ANO5: variants seen among roughly 807,000 people sequenced by gnomAD.
The protein encoded by ANO5 is anoctamin-5.
A neutral mutation model predicts 121.0 loss-of-function variants in ANO5; 109 were observed. The observed-to-expected ratio is 0.90, with a 90% CI of 0.77 to 1.06. The LOEUF is 1.06. Ranked by LOEUF, ANO5 falls within the 50% of genes least tolerant of loss-of-function variation. The pLI is 0.00. For synonymous variants in ANO5, 406 were observed against 359.9 expected, an observed-to-expected ratio of 1.13 and a Z score of -1.45; for missense variants, 1,064 against 1,078.5, an observed-to-expected ratio of 0.99 and a Z score of 0.19.
rs1222869787 is a variant in ANO5, at chr11:22,203,823, T to C, written c.60T>C (p.His20=). ...ATTTAGGGGAAAAAGTCAATAAGCA[T>C]ATAGACTACTCTTTCCAAATGAGTG... ...LAEEGEKVNK[H]IDYSFQMSEQ... is the part of the protein sequence containing the mutation. Residue 20 remains histidine (H), a synonymous_variant, in exon 2 of 22, where the codon CAT becomes CAC. Coordinates refer to ENST00000324559, the MANE Select transcript of ANO5 (RefSeq NM_213599.3). 1 of 1,474,990 alleles carries C rather than the reference T, an allele frequency of 6.8e-7. No individual in the cohort carries two copies. The highest frequency in any genetic ancestry group is 9.4e-7 in the Non-Finnish European group (1 of 1,059,492). 91.4% of individuals were successfully genotyped at this position (1,474,990 alleles called of 1,614,324 possible). A position where few individuals can be genotyped will look rare whatever the true frequency, so the allele number is the denominator to read the frequency against.
At chr11:22,198,587 G>C (rs1351071323) in intron 1 of ANO5, among the ~76,000 whole-genome samples, 1 of 151,922 alleles carries the variant, frequency 6.6e-6, no homozygotes, top group East Asian at 1.9e-4. Context: ...AAAATAATTA[G>C]GAAAAAGAGG....
chr11:22,255,652 A>C (rs1853979009), intron 13 of ANO5, 130 bp downstream of exon 13: 9 of 1,061,992 alleles, frequency 8.5e-6, no homozygotes, highest in Non-Finnish European at 1.2e-5. Flanking sequence ...AAACTTCTTT[A>C]CTTGTTTCTA....
At chr11:22,235,004 T>C (rs1270899137) in intron 7 of ANO5, among the ~76,000 whole-genome samples, 1 of 152,104 alleles carries the variant, frequency 6.6e-6, no homozygotes, top group African/African-American at 2.4e-5. Flanking sequence ...TCCCTGACAC[T>C]TGCTTACTTC....
intron 12 of ANO5, among the ~76,000 whole-genome samples, chr11:22,253,988 T>C (rs1853910860): frequency 6.6e-6 from 1 of 152,166 alleles, no homozygotes; most frequent in Admixed American, 6.6e-5. Context: ...ATTGTACTAA[T>C]GGTCCACAAT....
intron 12 of ANO5, among the ~76,000 whole-genome samples, chr11:22,253,347 A>C (rs900985745): frequency 2.0e-5 from 3 of 152,112 alleles, no homozygotes; most frequent in Non-Finnish European, 2.9e-5. Context: ...TTTATCTCAC[A>C]ATCCCATCTA....
At position 22,280,806 on chromosome 11, in the gene ANO5, C is replaced by T. The variant is rs1855049174; in HGVS notation, c.*1041C>T. ...CTTATACAATGCTCAGTGCCTTGTT[C>T]CAATACCTCTGACACACAAGAAGTC... is the stretch of plus-strand genomic sequence containing the variant. On this transcript the variant is annotated 3_prime_UTR_variant, in exon 22 of 22. Coordinates refer to ENST00000324559, the MANE Select transcript of ANO5 (RefSeq NM_213599.3). 1 of 151,794 alleles carries T rather than the reference C, an allele frequency of 6.6e-6. No homozygotes were observed. Among genetic ancestry groups the T allele is most frequent in the Non-Finnish European group, 1.5e-5 (1 of 67,832 alleles). 9.4% of individuals were successfully genotyped at this position (151,794 alleles called of 1,614,324 possible).
Position 22,193,480 on chromosome 11 carries a change from C to A in ANO5, c.-13C>A. On this transcript the variant is annotated 5_prime_UTR_variant, in exon 1 of 22. Transcript: ENST00000324559. ...GCCTCTCAGGCACCAGTGCCATTAA[C>A]GAGCTGGCGAAGATGGGCGACCCGG... The A allele has an allele frequency of 6.2e-7, 1 of 1,611,644 alleles. No individual in the cohort carries two copies. The highest frequency in any genetic ancestry group is 1.1e-5 in the South Asian group (1 of 90,278).
chr11:22,211,250 C>A lies in ANO5; in HGVS notation c.88-14C>A, dbSNP rs770721931. ...TATTAATAATAGCATTATATCTTCC[C>A]CTGGTACTGTTAGCAGAGCCTGAGC... On this transcript the variant is annotated splice_polypyrimidine_tract_variant and intron_variant, in intron 2 of 21. Coordinates refer to ENST00000324559, the MANE Select transcript of ANO5 (RefSeq NM_213599.3). 1.1e-5 allele frequency: 17 copies of A among 1,611,610 alleles called. No homozygotes were observed. Among genetic ancestry groups the A allele is most frequent in the Non-Finnish European group, 1.4e-5 (17 of 1,178,250 alleles).
intron 5 of ANO5, 86 bp from the exon 6 acceptor site, chr11:22,225,898 A>C (rs1016154858): frequency 9.8e-7 from 1 of 1,025,254 alleles, no homozygotes; most frequent in Non-Finnish European, 1.5e-6. Context: ...ATCCAGAGTC[A>C]CAGCCATTGT....
chr11:22,238,380 C>T (rs1269666874), intron 8 of ANO5, among the ~76,000 whole-genome samples: 1 of 149,684 alleles, frequency 6.7e-6, no homozygotes, highest in Non-Finnish European at 1.5e-5. Flanking sequence ...CTAATGTCTT[C>T]AGTCATCAGC....
chr11:22,194,226 C>T lies in ANO5; in HGVS notation c.40+694C>T, dbSNP rs146123003. ...TGTATTCCGTGGACCTATTTTAATACATGTATTTTCCTTAAAATGCACATA... is the reference window on the plus strand; with the variant it reads ...TGTATTCCGTGGACCTATTTTAATATATGTATTTTCCTTAAAATGCACATA... On this transcript the variant is annotated intron_variant, in intron 1 of 21. Transcript: ENST00000324559. Among the ~76,000 whole-genome samples, 25 of 152,324 alleles carry T rather than the reference C, an allele frequency of 1.6e-4. No individual in the cohort carries two copies. The East Asian group carries it at 4.8e-3, about 29-fold the overall frequency.
At chr11:22,194,501 GA>G (rs1260360132) in intron 1 of ANO5, among the ~76,000 whole-genome samples, 1 of 152,054 alleles carries the variant, frequency 6.6e-6, no homozygotes. Context: ...TGTAAAGTTG[GA>G]TTTTTTTTAG....
intron 1 of ANO5, among the ~76,000 whole-genome samples, chr11:22,194,942 G>T (rs1034508515): frequency 2.6e-5 from 4 of 152,068 alleles, no homozygotes; most frequent in African/African-American, 9.7e-5. Flanking sequence ...TTTTCCTCGG[G>T]TATATATCTA....
intron 3 of ANO5, 101 bp from the exon 4 acceptor site, chr11:22,218,145 A>G: frequency 7.4e-7 from 1 of 1,346,180 alleles, no homozygotes; most frequent in Non-Finnish European, 1.1e-6. Flanking sequence ...ACACACTTAT[A>G]AAATGATCAT....
intron 1 of ANO5, among the ~76,000 whole-genome samples, chr11:22,194,353 G>A (rs998815443): frequency 6.6e-6 from 1 of 152,164 alleles, no homozygotes; most frequent in African/African-American, 2.4e-5. Flanking sequence ...TTTCCAAAGT[G>A]ACAAAAGATC....
chr11:22,231,591 A>AT (rs796586279), intron 7 of ANO5, among the ~76,000 whole-genome samples: 83 of 151,916 alleles, frequency 5.5e-4, no homozygotes, highest in African/African-American at 2.0e-3. Flanking sequence ...TTTATTAAAC[A>AT]TTTTCACATC....
At chr11:22,273,886 G>A (rs1478010996) in intron 19 of ANO5, among the ~76,000 whole-genome samples, 1 of 151,988 alleles carries the variant, frequency 6.6e-6, no homozygotes, top group African/African-American at 2.4e-5. Context: ...GATCTATTCA[G>A]TGAGTAATAG....
chr11:22,193,393 C>T lies in ANO5; in HGVS notation c.-100C>T. 6.5e-7 allele frequency: 1 copy of T among 1,546,278 alleles called. No homozygotes were observed. Among genetic ancestry groups the T allele is most frequent in the Non-Finnish European group, 8.7e-7 (1 of 1,147,120 alleles). ...TCCAGCAGCAGCAACTCCGGCGGCC[C>T]ACAGTCAGATTCAGCACCTGCCTCA... is the stretch of plus-strand genomic sequence containing the variant. On this transcript the variant is annotated 5_prime_UTR_variant, in exon 1 of 22. Coordinates refer to ENST00000324559, the MANE Select transcript of ANO5 (RefSeq NM_213599.3).
At chr11:22,223,572 A>C (rs1011142861) in intron 5 of ANO5, among the ~76,000 whole-genome samples, 1 of 152,064 alleles carries the variant, frequency 6.6e-6, no homozygotes, top group Non-Finnish European at 1.5e-5. Context: ...AGCCACTCTT[A>C]TCAGTTCTGG....
Sources: allele counts gnomAD v4.1 joint callset (sites outside exome capture counted in the v4.1 genomes callset), GRCh38; gene constraint gnomAD v4.1.1; transcripts MANE v1.5; gene names NCBI Gene and HGNC (gene_info 2026-07-23, HGNC 2026-07-21).